The following AIMP2 variants were observed in gnomAD, a reference collection of about 807,000 sequenced individuals.
AIMP2 encodes the protein aminoacyl tRNA synthase complex-interacting multifunctional protein 2.
AIMP2 carries 20 observed loss-of-function variants against 23.4 expected under a neutral mutation model. The observed-to-expected ratio is 0.85, with a 90% CI of 0.60 to 1.24. AIMP2 has a LOEUF of 1.24. Ranked by LOEUF, AIMP2 falls within the 50% of genes most tolerant of loss-of-function variation. The pLI, the probability that AIMP2 is intolerant of heterozygous loss-of-function variation, is 0.00. For missense variants in AIMP2, 515 were observed against 414.5 expected (o/e 1.24, Z -2.10); for synonymous variants, 210 against 170.4 (o/e 1.23, Z -1.81).
chr7:6,009,543 G>C (rs959728607), intron 1 of AIMP2, 45 bp downstream of exon 1: 11 of 1,385,570 alleles, frequency 7.9e-6, no homozygotes, highest in Non-Finnish European at 1.0e-5. Context: ...CGCGGCGACC[G>C]GCTGCTGGCC....
chr7:6,010,484 C>CTA (rs1554311457), intron 1 of AIMP2, among the ~76,000 whole-genome samples: 1 of 151,356 alleles, frequency 6.6e-6, no homozygotes, highest in Non-Finnish European at 1.5e-5. Context: ...GAGTCTCACT[C>CTA]TATCACCCAG....
chr7:6,009,292 C>T lies in AIMP2; in HGVS notation c.-72C>T. 1.2e-6 allele frequency: 2 copies of T among 1,609,496 alleles called. No homozygotes were observed. The highest frequency in any genetic ancestry group is 2.2e-5 in the East Asian group (1 of 44,870). ...GGGTCAGAAGGGAGGTGGCCGGTCT[C>T]CGTCGTGACCTCTGACGGTTTCTGA... On this transcript the variant is annotated 5_prime_UTR_variant, in exon 1 of 4. Transcript: ENST00000223029.
At chr7:6,009,974 A>AAAAAAAAAAATATATATATATAT in intron 1 of AIMP2, among the ~76,000 whole-genome samples, 3 of 26,672 alleles carry the variant, frequency 1.1e-4, no homozygotes, top group African/African-American at 1.4e-4. Flanking sequence ...AAAAAAAAAA[A>AAAAAAAAAAATATATATATATAT]ATATATATAT....
rs1408122341 is a variant in AIMP2, at chr7:6,009,993, G to GTA, written c.135+497_135+498dup. Among the ~76,000 whole-genome samples the GTA allele has an allele frequency of 2.1e-4, 13 of 63,354 alleles. 1 individual carries two copies. In the East Asian group the frequency reaches 9.5e-3, roughly 47 times the overall value. The allele number at this position is 63,354 out of a possible 152,430, so 41.6% of individuals were successfully genotyped here. On this transcript the variant is annotated intron_variant, in intron 1 of 3. Transcript: ENST00000223029. The stretch of plus-strand genomic sequence containing the variant: ...AAAAAAAATATATATATATATATAT[G>GTA]TATGTATCTTTCCAGGTCGGGCGCG...
At chr7:6,015,420 T>C in intron 2 of AIMP2, 68 bp downstream of exon 2, 2 of 1,546,268 alleles carry the variant, frequency 1.3e-6, no homozygotes, top group Non-Finnish European at 1.8e-6. Context: ...ATTGTGCTGC[T>C]GTGATTAAAG....
intron 1 of AIMP2, among the ~76,000 whole-genome samples, chr7:6,011,993 C>G (rs1786720406): frequency 6.6e-6 from 1 of 152,356 alleles, no homozygotes; most frequent in Admixed American, 6.5e-5. Flanking sequence ...TGGCCCACGT[C>G]TGTAATCCCA....
In AIMP2 at chr7:6,023,828, T is replaced by A; in HGVS notation, c.*137T>A. The A allele has an allele frequency of 6.4e-7, 1 of 1,558,772 alleles. No homozygotes were observed. The highest frequency in any genetic ancestry group is 8.7e-7 in the Non-Finnish European group (1 of 1,150,602). ...GTCAAGTGTCAATAAAAGCATCATG[T>A]AATTTATGGTTTTCATTTTATTTAA... On this transcript the variant is annotated 3_prime_UTR_variant, in exon 4 of 4. Transcript: ENST00000223029.
intron 1 of AIMP2, among the ~76,000 whole-genome samples, chr7:6,014,276 G>A (rs1298766825): frequency 6.9e-5 from 1 of 14,474 alleles, no homozygotes; most frequent in Admixed American, 6.7e-4. Context: ...TTTTTTTTTT[G>A]AGACGGTGTC....
chr7:6,022,098 C>T (rs1247512795), intron 3 of AIMP2: 1 of 152,134 alleles, frequency 6.6e-6, no homozygotes, highest in Non-Finnish European at 1.5e-5. Flanking sequence ...TTTAAAGAGG[C>T]AGGGTCTTGC....
chr7:6,009,556 G>C (rs370298739), intron 1 of AIMP2, 58 bp downstream of exon 1: 1 of 1,374,644 alleles, frequency 7.3e-7, no homozygotes, highest in Non-Finnish European at 9.4e-7. Context: ...TGCTGGCCCG[G>C]GTCCCCCCAG....
In AIMP2 at chr7:6,023,825, A is replaced by T. The variant is rs534281259; in HGVS notation, c.*134A>T. 2 of 1,560,262 alleles carry T rather than the reference A, an allele frequency of 1.3e-6. No individual in the cohort carries two copies. The highest frequency in any genetic ancestry group is 1.7e-6 in the Non-Finnish European group (2 of 1,151,348). ...GTTGTCAAGTGTCAATAAAAGCATC[A>T]TGTAATTTATGGTTTTCATTTTATT... On this transcript the variant is annotated 3_prime_UTR_variant, in exon 4 of 4. Coordinates refer to ENST00000223029, the MANE Select transcript of AIMP2 (RefSeq NM_006303.4).
Position 6,015,160 on chromosome 7 carries a change from G to C in AIMP2, c.150G>C (p.Leu50=). The change falls in exon 2 of 4, where the codon CTG becomes CTC. Residue 50 remains leucine (L), a synonymous_variant. Coordinates refer to ENST00000223029, the MANE Select transcript of AIMP2 (RefSeq NM_006303.4). ...GAGHVQEESN[L]SLQALESRQD... is the part of the protein sequence containing the mutation. ...GGTTTGTTTAGGAAGAGTCTAACCT[G>C]TCTCTGCAAGCTCTTGAGTCCCGCC... The C allele has an allele frequency of 6.2e-7, 1 of 1,614,140 alleles. No homozygotes were observed. Among genetic ancestry groups the C allele is most frequent in the Admixed American group, 1.7e-5 (1 of 60,010 alleles).
At position 6,023,571 on chromosome 7, in the gene AIMP2, G is replaced by A. The variant is rs1293952738; in HGVS notation, c.843G>A (p.Leu281=). ...AACTCACCGTAGCAGACGTGGTGCT[G>A]TGGTCTGTACTCCAGCAGATCGGAG... ...GNELTVADVV[L]WSVLQQIGGC... The change falls in exon 4 of 4, where the codon CTG becomes CTA. Residue 281 remains leucine, a synonymous_variant. Coordinates refer to ENST00000223029, the MANE Select transcript of AIMP2 (RefSeq NM_006303.4). 17 of 1,614,132 alleles carry A rather than the reference G, an allele frequency of 1.1e-5. No individual in the cohort carries two copies. The highest frequency in any genetic ancestry group is 1.7e-6 in the Non-Finnish European group (2 of 1,180,044).
At position 6,009,319 on chromosome 7, in the gene AIMP2, C is replaced by T. The variant is rs2128868801; in HGVS notation, c.-45C>T. The T allele has an allele frequency of 6.2e-7, 1 of 1,611,398 alleles. No individual in the cohort carries two copies. The highest frequency in any genetic ancestry group is 8.5e-7 in the Non-Finnish European group (1 of 1,179,866). On this transcript the variant is annotated 5_prime_UTR_variant, in exon 1 of 4. Transcript: ENST00000223029. ...GTCGTGACCTCTGACGGTTTCTGAG[C>T]GTTGGCCTTTGGCACGCGCTACCCC... is the stretch of plus-strand genomic sequence containing the variant.
At chr7:6,010,638 G>A (rs540313594) in intron 1 of AIMP2, among the ~76,000 whole-genome samples, 4 of 151,862 alleles carry the variant, frequency 2.6e-5, no homozygotes, top group Admixed American at 6.6e-5. Flanking sequence ...TGGTAGAGAC[G>A]GGGTTTCACC....
intron 3 of AIMP2, 23 bp from the exon 4 acceptor site, chr7:6,023,280 C>G (rs900020294): frequency 1.8e-5 from 28 of 1,566,404 alleles, no homozygotes; most frequent in Non-Finnish European, 2.4e-5. Context: ...GGTGATGCTA[C>G]CTGGCGTGTT....
chr7:6,015,678 C>G (rs557477981), intron 2 of AIMP2, among the ~76,000 whole-genome samples: 1 of 152,352 alleles, frequency 6.6e-6, no homozygotes, highest in East Asian at 1.9e-4. Context: ...GAGCGGAGAT[C>G]GCGCCACTAC....
At chr7:6,017,410 C>A (rs1583456454) in intron 2 of AIMP2, among the ~76,000 whole-genome samples, 1 of 151,748 alleles carries the variant, frequency 6.6e-6, no homozygotes, top group Admixed American at 6.6e-5. Flanking sequence ...GTAGTCCCAG[C>A]CACTTAGGAA....
intron 2 of AIMP2, among the ~76,000 whole-genome samples, chr7:6,016,482 A>T (rs989286915): frequency 2.0e-5 from 3 of 152,050 alleles, no homozygotes; most frequent in Non-Finnish European, 4.4e-5. Context: ...CTGCTCCCTC[A>T]TTCATTCAGT....
Sources: allele counts gnomAD v4.1 joint callset (sites outside exome capture counted in the v4.1 genomes callset), GRCh38; gene constraint gnomAD v4.1.1; transcripts MANE v1.5; gene names NCBI Gene and HGNC (gene_info 2026-07-23, HGNC 2026-07-21).